The following HHIPL1 variants were observed in gnomAD, a reference collection of about 807,000 sequenced individuals.
The protein encoded by HHIPL1 is HHIP like 1.
A neutral mutation model predicts 61.8 loss-of-function variants in HHIPL1; 43 were observed. That is an observed-to-expected ratio of 0.70 (90% CI 0.55 to 0.90). The LOEUF (loss-of-function observed/expected upper bound fraction) is 0.90. Among genes scored for constraint, HHIPL1 ranks in the 40% least tolerant of loss-of-function variants. The probability of loss-of-function intolerance (pLI) is 0.00; values close to 1 mark genes in which losing one functional copy is unlikely to be tolerated. For synonymous variants in HHIPL1, 482 were observed against 515.8 expected (o/e 0.93, Z 0.89); for missense variants, 1,056 against 1,157.7 (o/e 0.91, Z 1.28).
chr14:99,628,665 G>C, the HHIPL1 span, among the ~76,000 whole-genome samples: 1 of 151,844 alleles, frequency 6.6e-6, no homozygotes, highest in Non-Finnish European at 1.5e-5. Flanking sequence ...TTCCTTTTCT[G>C]GGGAGGTAAG....
chr14:99,617,771 G>A, the HHIPL1 span, among the ~76,000 whole-genome samples: 1 of 152,182 alleles, frequency 6.6e-6, no homozygotes, highest in Non-Finnish European at 1.5e-5. Context: ...CTGCCTGCTG[G>A]AGAAGGAAGC....
chr14:99,613,795 C>G, the HHIPL1 span, among the ~76,000 whole-genome samples: 1 of 151,946 alleles, frequency 6.6e-6, no homozygotes, highest in African/African-American at 2.4e-5. Context: ...CCTGTAATCC[C>G]AGCTACTCAG....
At chr14:99,612,357 C>G in the HHIPL1 span, among the ~76,000 whole-genome samples, 1 of 152,142 alleles carries the variant, frequency 6.6e-6, no homozygotes, top group Admixed American at 6.5e-5. Context: ...CAAGGCTTAT[C>G]GGGCTCTCAG....
chr14:99,636,880 G>A, the HHIPL1 span, among the ~76,000 whole-genome samples: 992 of 151,192 alleles, frequency 6.6e-3, 11 homozygotes, highest in African/African-American at 0.022. Context: ...CCAGCTACTT[G>A]GGAGGCTGAG....
the HHIPL1 span, among the ~76,000 whole-genome samples, chr14:99,611,585 C>CTT: frequency 7.3e-4 from 95 of 130,144 alleles, no homozygotes; most frequent in African/African-American, 2.1e-3. Flanking sequence ...CGTGCCTGGC[C>CTT]TTTTTTTTTT....
chr14:99,650,545 G>A (rs920631249), intron 1 of HHIPL1, among the ~76,000 whole-genome samples: 7 of 152,240 alleles, frequency 4.6e-5, no homozygotes, highest in African/African-American at 1.2e-4. Flanking sequence ...ACTGGCGTTG[G>A]GGATGGGTAG....
chr14:99,626,504 C>T, the HHIPL1 span, among the ~76,000 whole-genome samples: 29 of 152,136 alleles, frequency 1.9e-4, no homozygotes, highest in African/African-American at 5.6e-4. Flanking sequence ...TGGAGGTCAA[C>T]GCCAAAGCCT....
At chr14:99,613,385 G>A in the HHIPL1 span, among the ~76,000 whole-genome samples, 1 of 151,296 alleles carries the variant, frequency 6.6e-6, no homozygotes, top group Non-Finnish European at 1.5e-5. Flanking sequence ...GAGTGCAGTG[G>A]TGCCATCTCG....
chr14:99,629,619 TC>T, the HHIPL1 span, among the ~76,000 whole-genome samples: 2 of 151,790 alleles, frequency 1.3e-5, no homozygotes, highest in Non-Finnish European at 2.9e-5. Context: ...TGCCTCAGCC[TC>T]CCAAGTAGCT....
rs745786748 is a variant in HHIPL1 at position 99,652,723 on chromosome 14, T to C, written c.755T>C (p.Leu252Pro). The C allele has an allele frequency of 1.9e-6, 3 of 1,613,932 alleles. No homozygotes were observed. The highest frequency in any genetic ancestry group is 1.7e-6 in the Non-Finnish European group (2 of 1,180,048). ...TGGGAGGGTGACGAGCGTGGCTTCC[T>C]GGGCATTGCCTTCCACCCCAGCTTC... is the stretch of plus-strand genomic sequence containing the variant. ...SPWEGDERGF[L>P]GIAFHPSFQH... The change falls in exon 2 of 9, where the codon CTG (leucine) becomes CCG (proline). Residue 252 changes from leucine (L) to proline (P), a missense_variant. By Grantham distance (98) the Leu-to-Pro change is moderately conservative (BLOSUM62 -3). Transcript: ENST00000330710.
At chr14:99,608,681 T>A in the HHIPL1 span, among the ~76,000 whole-genome samples, 1 of 152,202 alleles carries the variant, frequency 6.6e-6, no homozygotes, top group Admixed American at 6.5e-5. Context: ...AGTGGTTAAG[T>A]GTTACTAATA....
At position 99,671,652 on chromosome 14, in the gene HHIPL1, C is replaced by G. The variant is rs1445249153; in HGVS notation, c.1731-665C>G. Among the ~76,000 whole-genome samples the G allele has an allele frequency of 2.6e-5, 4 of 152,236 alleles. No homozygotes were observed. In the East Asian group the frequency reaches 7.7e-4, roughly 29 times the overall value. On this transcript the variant is annotated intron_variant, in intron 7 of 8. Transcript: ENST00000330710. ...ACTAATTAAAACGGAATTCCATTCCCTATTGTGCCCTTAAAAATGTCAAAG... is the reference window on the plus strand; with the variant it reads ...ACTAATTAAAACGGAATTCCATTCCGTATTGTGCCCTTAAAAATGTCAAAG...
chr14:99,643,196 C>T (rs540293886), upstream of HHIPL1, among the ~76,000 whole-genome samples: 54 of 152,210 alleles, frequency 3.5e-4, no homozygotes, highest in African/African-American at 9.6e-4. Flanking sequence ...CGTGCCACCA[C>T]GCCTGGCTAA....
At position 99,660,418 on chromosome 14, in the gene HHIPL1, A is replaced by G; in HGVS notation, c.1502+12A>G. 1 of 1,607,544 alleles carries G rather than the reference A, an allele frequency of 6.2e-7. No homozygotes were observed. Among genetic ancestry groups the G allele is most frequent in the Non-Finnish European group, 8.5e-7 (1 of 1,175,402 alleles). On this transcript the variant is annotated intron_variant, in intron 5 of 8. Transcript: ENST00000330710. This position sits in a 1 kb window ranked among gnomAD's most constrained non-coding sequence, Gnocchi z 4.9. ...GATTTCATGAGCGGGTAAGTGACCTAGTGCCCTCGCGCCCCTGGCTGCTGC... is the reference window on the plus strand; with the variant it reads ...GATTTCATGAGCGGGTAAGTGACCTGGTGCCCTCGCGCCCCTGGCTGCTGC...
intron 2 of HHIPL1, among the ~76,000 whole-genome samples, chr14:99,656,793 A>T (rs1394207641): frequency 4.4e-4 from 1 of 2,296 alleles, no homozygotes; most frequent in African/African-American, 5.3e-4. Flanking sequence ...AAAGAAAAGA[A>T]AGAAAGAAAG....
chr14:99,679,615 G>A lies in HHIPL1; in HGVS notation c.*3989G>A, dbSNP rs988914161. 52 of 152,234 alleles carry A rather than the reference G, an allele frequency of 3.4e-4. No homozygotes were observed. Among genetic ancestry groups the A allele is most frequent in the African/African-American group, 1.3e-3 (52 of 41,470 alleles). 9.4% of individuals were successfully genotyped at this position (152,234 alleles called of 1,614,324 possible). On this transcript the variant is annotated 3_prime_UTR_variant, in exon 9 of 9. Transcript: ENST00000330710. ...GAGGTTCAAGGAAGCTGGAAACTGG[G>A]TTCCAGTCCTGGCTCTGTGCCTCTC...
In HHIPL1 at chr14:99,659,675, G is replaced by C. The variant is rs1301683863; in HGVS notation, c.1294G>C (p.Glu432Gln). Residue 432 changes from glutamate (E) to glutamine (Q), a missense_variant, in exon 4 of 9, where the codon GAG becomes CAG. Coordinates refer to ENST00000330710, the MANE Select transcript of HHIPL1 (RefSeq NM_001127258.3). ...QNKFEEVDVV[E>Q]RGGNYGWRAR... ...CAAGTTCGAGGAGGTGGACGTGGTG[G>C]AGCGCGGCGGCAACTATGGCTGGCG... is the stretch of plus-strand genomic sequence containing the variant. 1 of 1,536,496 alleles carries C rather than the reference G, an allele frequency of 6.5e-7. No individual in the cohort carries two copies. Among genetic ancestry groups the C allele is most frequent in the Non-Finnish European group, 8.7e-7 (1 of 1,146,378 alleles).
At position 99,675,329 on chromosome 14, in the gene HHIPL1, C is replaced by G; in HGVS notation, c.2052C>G (p.Gly684=). 1.4e-6 allele frequency: 2 copies of G among 1,423,166 alleles called. No homozygotes were observed. The highest frequency in any genetic ancestry group is 1.8e-6 in the Non-Finnish European group (2 of 1,088,366). The allele number at this position is 1,423,166 out of a possible 1,614,324, so 88.2% of individuals were successfully genotyped here. A position where few individuals can be genotyped will look rare whatever the true frequency, so the allele number is the denominator to read the frequency against. The part of the protein sequence containing the change: ...RLVRPAGLSS[G]SGRVEVFVGG... ...TGCGGCCCGCGGGCCTGAGCTCTGG[C>G]AGCGGGCGCGTGGAGGTGTTCGTGG... is the stretch of plus-strand genomic sequence containing the variant. Residue 684 remains glycine, a synonymous_variant, in exon 9 of 9, where the codon GGC becomes GGG. Coordinates refer to ENST00000330710, the MANE Select transcript of HHIPL1 (RefSeq NM_001127258.3). This position sits in a 1 kb window ranked among gnomAD's most constrained non-coding sequence, Gnocchi z 5.4.
chr14:99,668,869 G>A lies in HHIPL1; in HGVS notation c.1730+566G>A, dbSNP rs369177443. ...AAGCGCCATGCCCGGCTATGTCCCAGCTCCTTCCGTGTGCAGCTCATTGAC... is the reference window on the plus strand; with the variant it reads ...AAGCGCCATGCCCGGCTATGTCCCAACTCCTTCCGTGTGCAGCTCATTGAC... On this transcript the variant is annotated intron_variant, in intron 7 of 8. Coordinates refer to ENST00000330710, the MANE Select transcript of HHIPL1 (RefSeq NM_001127258.3). This position sits in a 1 kb window ranked among gnomAD's most constrained non-coding sequence, Gnocchi z 4.7. 2 of 1,614,008 alleles carry A rather than the reference G, an allele frequency of 1.2e-6. No homozygotes were observed. Among genetic ancestry groups the A allele is most frequent in the Non-Finnish European group, 1.7e-6 (2 of 1,180,014 alleles).
Sources: gnomAD v4.1 joint callset for allele counts (sites outside exome capture counted in the v4.1 genomes callset) on GRCh38, gnomAD v4.1.1 for gene constraint, Gnocchi (gnomAD v3.1) non-coding constraint, MANE v1.5 for transcripts, NCBI Gene and HGNC (gene_info 2026-07-23, HGNC 2026-07-21) for gene names.